FBXL14: variants seen among roughly 807,000 people sequenced by gnomAD.
FBXL14 encodes the protein F-box and leucine rich repeat protein 14, also known as F-box/LRR-repeat protein 14.
FBXL14 carries 11 observed loss-of-function variants against 24.5 expected under a neutral mutation model. The ratio of observed to expected loss-of-function variants is 0.45; its 90% confidence interval spans 0.28 to 0.74. The LOEUF (loss-of-function observed/expected upper bound fraction) is 0.74. Ranked by LOEUF, FBXL14 falls within the 30% of genes least tolerant of loss-of-function variation. The probability of loss-of-function intolerance (pLI) is 0.12; values close to 1 mark genes in which losing one functional copy is unlikely to be tolerated. For synonymous variants in FBXL14, 294 were observed against 240.4 expected, an observed-to-expected ratio of 1.22 and a Z score of -2.06; for missense variants, 384 against 545.6, an observed-to-expected ratio of 0.70 and a Z score of 2.95.
chr12:1,582,771 G>T (rs1241825797), intron 1 of FBXL14, among the ~76,000 whole-genome samples: 3 of 152,120 alleles, frequency 2.0e-5, no homozygotes, highest in Non-Finnish European at 4.4e-5. Context: ...ATCTGCAGGG[G>T]ATAACTGCCT....
At chr12:1,577,624 T>C (rs2094458485) in intron 1 of FBXL14, among the ~76,000 whole-genome samples, 1 of 152,204 alleles carries the variant, frequency 6.6e-6, no homozygotes, top group Non-Finnish European at 1.5e-5. Context: ...GGAGCATTCA[T>C]GGCTGCCGGG....
At chr12:1,573,825 A>T (rs1000089218) in intron 1 of FBXL14, among the ~76,000 whole-genome samples, 7 of 152,146 alleles carry the variant, frequency 4.6e-5, no homozygotes, top group African/African-American at 1.2e-4. Context: ...ACCAACATGG[A>T]GAAACCTTGT....
chr12:1,582,318 C>T (rs151304200), intron 1 of FBXL14, among the ~76,000 whole-genome samples: 27 of 152,094 alleles, frequency 1.8e-4, no homozygotes, highest in African/African-American at 5.8e-4. Flanking sequence ...CAAGGAGCAG[C>T]CCTCCCAGTT....
chr12:1,594,204 C>T lies in FBXL14; in HGVS notation c.-138G>A. 2.0e-6 allele frequency: 1 copy of T among 495,546 alleles called. No individual in the cohort carries two copies. Among genetic ancestry groups the T allele is most frequent in the Non-Finnish European group, 2.8e-6 (1 of 358,390 alleles). 30.7% of individuals were successfully genotyped at this position (495,546 alleles called of 1,614,324 possible). ...CCGCCTCGGGCCCAACGGCCGGCCC[C>T]TCCCCGCCTTCCGGCTCCGGCCGCC... On this transcript the variant is annotated 5_prime_UTR_variant, in exon 1 of 2. Transcript: ENST00000339235.
chr12:1,591,575 C>T (rs1205624841), intron 1 of FBXL14, among the ~76,000 whole-genome samples: 1 of 152,122 alleles, frequency 6.6e-6, no homozygotes, highest in Non-Finnish European at 1.5e-5. Context: ...AAAAATCCAA[C>T]GAAAATATAC....
In FBXL14 at chr12:1,566,556, C is replaced by G; in HGVS notation, c.*192G>C. The G allele has an allele frequency of 1.8e-6, 1 of 550,844 alleles. No individual in the cohort carries two copies. Among genetic ancestry groups the G allele is most frequent in the East Asian group, 3.0e-5 (1 of 33,210 alleles). The allele number at this position is 550,844 out of a possible 1,614,324, so 34.1% of individuals were successfully genotyped here. On this transcript the variant is annotated 3_prime_UTR_variant, in exon 2 of 2. Coordinates refer to ENST00000339235, the MANE Select transcript of FBXL14 (RefSeq NM_152441.3). ...CGAGGTCTCAGAGCAAACCACTGTCCCCAGAACTGGAGAAACCGGCAGGAG... is the reference window on the plus strand; with the variant it reads ...CGAGGTCTCAGAGCAAACCACTGTCGCCAGAACTGGAGAAACCGGCAGGAG...
intron 1 of FBXL14, among the ~76,000 whole-genome samples, chr12:1,575,491 G>C (rs752581008): frequency 1.3e-5 from 2 of 152,138 alleles, no homozygotes; most frequent in African/African-American, 2.4e-5. Flanking sequence ...TGTGCCGTTC[G>C]GGATCCCGTG....
At chr12:1,574,392 TG>T (rs2094451331) in intron 1 of FBXL14, among the ~76,000 whole-genome samples, 9 of 141,034 alleles carry the variant, frequency 6.4e-5, no homozygotes, top group East Asian at 2.2e-4. Context: ...GGATGGAGGC[TG>T]GGGTGGGGGA....
chr12:1,593,164 G>A lies in FBXL14; in HGVS notation c.903C>T (p.Ala301=), dbSNP rs1344947763. 2 of 1,613,548 alleles carry A rather than the reference G, an allele frequency of 1.2e-6. No individual in the cohort carries two copies. Among genetic ancestry groups the A allele is most frequent in the African/African-American group, 1.3e-5 (1 of 74,948 alleles). Residue 301 remains alanine (A), a synonymous_variant, in exon 1 of 2, where the codon GCC becomes GCT. Coordinates refer to ENST00000339235, the MANE Select transcript of FBXL14 (RefSeq NM_152441.3). The surrounding 1 kb of genome is among the most constrained non-coding windows in gnomAD (Gnocchi z 7.4). Reference sequence around the variant, plus strand: ...GAGACTTGAGGCCATCCAGCCCCTGGGCTATGTAAGCCAGACTCTGGTCTC... The same window carrying A: ...GAGACTTGAGGCCATCCAGCCCCTGAGCTATGTAAGCCAGACTCTGGTCTC... ...KVGDQSLAYI[A]QGLDGLKSLS... is the part of the protein sequence containing the mutation.
chr12:1,576,233 G>A (rs1481143556), intron 1 of FBXL14, among the ~76,000 whole-genome samples: 1 of 152,104 alleles, frequency 6.6e-6, no homozygotes, highest in Non-Finnish European at 1.5e-5. Context: ...TGCTGATAAC[G>A]TCTCTACAGA....
In FBXL14 at chr12:1,579,994, C is replaced by T. The variant is rs1592468995; in HGVS notation, c.1194+12879G>A. On this transcript the variant is annotated intron_variant, in intron 1 of 1. Coordinates refer to ENST00000339235, the MANE Select transcript of FBXL14 (RefSeq NM_152441.3). The surrounding 1 kb of genome is among the most constrained non-coding windows in gnomAD (Gnocchi z 4.3). ...TGTACAGGGAAGACAAACCAGCTTCCATAGTGTACATTCTTAAAGGAAGGT... is the reference window on the plus strand; with the variant it reads ...TGTACAGGGAAGACAAACCAGCTTCTATAGTGTACATTCTTAAAGGAAGGT... 6.6e-6 allele frequency among the ~76,000 whole-genome samples: 1 copy of T among 152,220 alleles called. No individual in the cohort carries two copies. The highest frequency in any genetic ancestry group is 2.4e-5 in the African/African-American group (1 of 41,440).
Position 1,566,757 on chromosome 12 carries a change from G to C in FBXL14, c.1248C>G (p.Ser416=), listed in dbSNP as rs1049263810. 1.3e-6 allele frequency: 1 copy of C among 780,976 alleles called. No homozygotes were observed. 48.4% of individuals were successfully genotyped at this position (780,976 alleles called of 1,614,324 possible). Residue 416 remains serine, a synonymous_variant, in exon 2 of 2, where the codon TCC becomes TCG. Coordinates refer to ENST00000339235, the MANE Select transcript of FBXL14 (RefSeq NM_152441.3). The part of the protein sequence containing the change: ...PLFTVRTRGS[S]RR ...CGTTGTCCCCTCTCCCTCACCTTCT[G>C]GAGCTTCCCCGAGTTCTCACAGTGA... is the stretch of plus-strand genomic sequence containing the variant.
At chr12:1,594,628 G>A (rs1452722216), upstream of FBXL14, among the ~76,000 whole-genome samples, 3 of 148,812 alleles carry the variant, frequency 2.0e-5, no homozygotes, top group African/African-American at 4.9e-5. Flanking sequence ...CCAGGCGGGG[G>A]GACCAGGAGG....
chr12:1,579,369 A>G lies in FBXL14; in HGVS notation c.1195-12559T>C, dbSNP rs146629879. 4.3e-3 allele frequency among the ~76,000 whole-genome samples: 654 copies of G among 152,170 alleles called. 7 individuals carry two copies. The highest frequency in any genetic ancestry group is 0.014 in the African/African-American group (596 of 41,524). On this transcript the variant is annotated intron_variant, in intron 1 of 1. Coordinates refer to ENST00000339235, the MANE Select transcript of FBXL14 (RefSeq NM_152441.3). This position sits in a 1 kb window ranked among gnomAD's most constrained non-coding sequence, Gnocchi z 4.3. Reference sequence around the variant, plus strand: ...GGTGGCTCACGCCTGTAATCCCAGCACTTTGGGAGGCTGAGGTGGGTGGAT... The same window carrying G: ...GGTGGCTCACGCCTGTAATCCCAGCGCTTTGGGAGGCTGAGGTGGGTGGAT...
rs762904739 is a variant in FBXL14 at position 1,593,945 on chromosome 12, T to A, written c.122A>T (p.His41Leu). The change falls in exon 1 of 2, where the codon CAC (histidine) becomes CTC (leucine). Residue 41 changes from histidine (H) to leucine (L), a missense_variant. By Grantham distance (99) the His-to-Leu change is moderately conservative. Transcript: ENST00000339235. This position sits in a 1 kb window ranked among gnomAD's most constrained non-coding sequence, Gnocchi z 7.4. ...CTCCACCCCCCGCCACACCGACTTG[T>A]GGTAGGCGGCGTCCCGCCAGGCGGT... ...VCTAWRDAAYHKSVWRGVEAK... is the reference protein window; with the variant it reads ...VCTAWRDAAYLKSVWRGVEAK... 2 of 1,592,312 alleles carry A rather than the reference T, an allele frequency of 1.3e-6. No individual in the cohort carries two copies. The highest frequency in any genetic ancestry group is 1.7e-6 in the Non-Finnish European group (2 of 1,176,436).
intron 1 of FBXL14, among the ~76,000 whole-genome samples, chr12:1,581,105 A>G (rs67017750): frequency 0.068 from 10,405 of 152,068 alleles, 727 homozygotes; most frequent in African/African-American, 0.18. Flanking sequence ...TCCCCCACCC[A>G]CAACACTCGA....
chr12:1,585,356 C>A (rs2154438174), intron 1 of FBXL14, among the ~76,000 whole-genome samples: 1 of 151,598 alleles, frequency 6.6e-6, no homozygotes, highest in South Asian at 2.1e-4. Context: ...CAAGATTGTG[C>A]CACTGTACTC....
At chr12:1,585,355 G>A (rs1334784474) in intron 1 of FBXL14, among the ~76,000 whole-genome samples, 2 of 150,756 alleles carry the variant, frequency 1.3e-5, no homozygotes, top group Admixed American at 1.3e-4. Context: ...CCAAGATTGT[G>A]CCACTGTACT....
At chr12:1,574,233 G>A (rs1396605405) in intron 1 of FBXL14, among the ~76,000 whole-genome samples, 1 of 149,822 alleles carries the variant, frequency 6.7e-6, no homozygotes, top group Non-Finnish European at 1.5e-5. Flanking sequence ...TCTGGGGATA[G>A]AATACAGAGA....
Sources: allele counts gnomAD v4.1 joint callset (sites outside exome capture counted in the v4.1 genomes callset), GRCh38; gene constraint gnomAD v4.1.1; non-coding constraint Gnocchi (gnomAD v3.1); transcripts MANE v1.5; gene names NCBI Gene and HGNC (gene_info 2026-07-23, HGNC 2026-07-21).